MIPEP: variants seen among roughly 807,000 people sequenced by gnomAD.
The protein encoded by MIPEP is mitochondrial intermediate peptidase.
A neutral mutation model predicts 90.3 loss-of-function variants in MIPEP; 79 were observed. That is an observed-to-expected ratio of 0.87 (90% CI 0.73 to 1.05). The LOEUF is 1.05. Among genes scored for constraint, MIPEP ranks in the 50% least tolerant of loss-of-function variants. The pLI is 0.00. For missense variants in MIPEP, 940 were observed against 905.6 expected (o/e 1.04, Z -0.49); for synonymous variants, 334 against 315.8 (o/e 1.06, Z -0.61).
At chr13:23,886,027 T>C (rs1871465407) in intron 2 of MIPEP, among the ~76,000 whole-genome samples, 1 of 151,988 alleles carries the variant, frequency 6.6e-6, no homozygotes, top group South Asian at 2.1e-4. Flanking sequence ...TGAATATATA[T>C]GTAAATATAT....
At chr13:23,839,759 G>T in intron 11 of MIPEP, 33 bp from the exon 12 acceptor site, 1 of 1,477,684 alleles carries the variant, frequency 6.8e-7, no homozygotes, top group Non-Finnish European at 9.4e-7. Context: ...GGTGGTAAAT[G>T]AGGCCATCTG....
intron 16 of MIPEP, among the ~76,000 whole-genome samples, chr13:23,770,521 C>A (rs1472931184): frequency 6.6e-6 from 1 of 152,184 alleles, no homozygotes; most frequent in East Asian, 1.9e-4. Context: ...CAGCTGGGAC[C>A]TCAGCATCGA....
chr13:23,745,703 G>A (rs1347411514), intron 18 of MIPEP, among the ~76,000 whole-genome samples: 3 of 152,012 alleles, frequency 2.0e-5, no homozygotes, highest in Non-Finnish European at 2.9e-5. Flanking sequence ...CGAGGCGGGC[G>A]GATCACTTGA....
Position 23,864,225 on chromosome 13 carries a change from T to C in MIPEP, c.944-36A>G, listed in dbSNP as rs376788363. ...ATCCAAAAGAAAATATCTTCAATTATGTGAAATAAAATGAACATATCTGTT... is the reference window on the plus strand; with the variant it reads ...ATCCAAAAGAAAATATCTTCAATTACGTGAAATAAAATGAACATATCTGTT... On this transcript the variant is annotated intron_variant, in intron 7 of 18. Coordinates refer to ENST00000382172, the MANE Select transcript of MIPEP (RefSeq NM_005932.4). 9.5e-5 allele frequency: 133 copies of C among 1,397,922 alleles called. 1 individual carries two copies. Among genetic ancestry groups the C allele is most frequent in the Non-Finnish European group, 1.2e-4 (117 of 1,014,950 alleles). 86.6% of individuals were successfully genotyped at this position (1,397,922 alleles called of 1,614,324 possible).
At chr13:23,853,486 CGTGT>C (rs896601634) in intron 10 of MIPEP, among the ~76,000 whole-genome samples, 8 of 151,694 alleles carry the variant, frequency 5.3e-5, no homozygotes, top group African/African-American at 1.5e-4. Context: ...AGAGCATAGG[CGTGT>C]GTGTAGGCTA....
At chr13:23,864,292 C>A in intron 7 of MIPEP, 103 bp from the exon 8 acceptor site, 1 of 791,732 alleles carries the variant, frequency 1.3e-6, no homozygotes, top group Non-Finnish European at 2.0e-6. Context: ...CCCACAATTC[C>A]CTTAAAGTGA....
intron 16 of MIPEP, among the ~76,000 whole-genome samples, chr13:23,774,864 G>A (rs900867818): frequency 5.2e-5 from 7 of 134,510 alleles, no homozygotes; most frequent in African/African-American, 1.1e-4. Flanking sequence ...GGATGAGCTC[G>A]GCTCACTGCG....
intron 16 of MIPEP, among the ~76,000 whole-genome samples, chr13:23,791,840 T>C (rs1035407955): frequency 6.6e-6 from 1 of 152,232 alleles, no homozygotes; most frequent in African/African-American, 2.4e-5. Context: ...CTTTACTTGA[T>C]ACCCACTCCA....
intron 10 of MIPEP, among the ~76,000 whole-genome samples, chr13:23,843,711 T>C (rs717692): frequency 0.72 from 109,201 of 152,058 alleles, 41,196 homozygotes; most frequent in Non-Finnish European, 0.83. Flanking sequence ...CAGGGAGGGC[T>C]GACAGGAGGA....
chr13:23,829,387 C>A (rs1868625051), intron 14 of MIPEP, among the ~76,000 whole-genome samples: 1 of 151,682 alleles, frequency 6.6e-6, no homozygotes, highest in South Asian at 2.1e-4. Context: ...TGGTGGCATG[C>A]CTGTAAGCCT....
At chr13:23,866,489 A>C (rs1324701469) in intron 7 of MIPEP, among the ~76,000 whole-genome samples, 1 of 152,138 alleles carries the variant, frequency 6.6e-6, no homozygotes, top group Non-Finnish European at 1.5e-5. Context: ...TGCTACAGCC[A>C]GTGGTCATGC....
At chr13:23,764,094 C>G (rs1192079785) in intron 16 of MIPEP, among the ~76,000 whole-genome samples, 5 of 152,206 alleles carry the variant, frequency 3.3e-5, no homozygotes, top group Non-Finnish European at 1.5e-5. Flanking sequence ...TAAAAGCTTT[C>G]ACACTTCCTT....
chr13:23,733,297 A>T (rs1369759878), intron 18 of MIPEP, among the ~76,000 whole-genome samples: 2 of 152,170 alleles, frequency 1.3e-5, no homozygotes, highest in Non-Finnish European at 2.9e-5. Context: ...TTTTAGGTGG[A>T]GGAGACAATA....
At chr13:23,793,295 A>G (rs574214898) in intron 16 of MIPEP, among the ~76,000 whole-genome samples, 2 of 152,222 alleles carry the variant, frequency 1.3e-5, no homozygotes, top group African/African-American at 4.8e-5. Flanking sequence ...AGTGGATCTC[A>G]CAGACATGTT....
At chr13:23,781,274 G>A (rs1392077205) in intron 16 of MIPEP, among the ~76,000 whole-genome samples, 1 of 152,192 alleles carries the variant, frequency 6.6e-6, no homozygotes, top group East Asian at 1.9e-4. Context: ...AACTCTACAA[G>A]CCAGAAGAGA....
intron 16 of MIPEP, chr13:23,760,477 A>G (rs1952529875): frequency 7.6e-6 from 5 of 657,740 alleles, no homozygotes; most frequent in Non-Finnish European, 1.5e-5. Context: ...CACAGCCTCC[A>G]AAGACGTGAT....
intron 16 of MIPEP, among the ~76,000 whole-genome samples, chr13:23,783,006 C>G (rs1384624641): frequency 2.6e-5 from 4 of 152,160 alleles, no homozygotes; most frequent in African/African-American, 9.7e-5. Context: ...GACGGATTCA[C>G]AGCTGAATTC....
At chr13:23,820,000 A>C in intron 14 of MIPEP, among the ~76,000 whole-genome samples, 1 of 150,072 alleles carries the variant, frequency 6.7e-6, no homozygotes, top group Admixed American at 6.7e-5. Context: ...CAAGAGGGAG[A>C]CTCCATCTCA....
chr13:23,770,426 G>C (rs1004191882), intron 16 of MIPEP, among the ~76,000 whole-genome samples: 1 of 152,174 alleles, frequency 6.6e-6, no homozygotes, highest in Non-Finnish European at 1.5e-5. Context: ...AGTAAAAAAA[G>C]GGGAGGGGGT....
Sources: allele counts gnomAD v4.1 joint callset (sites outside exome capture counted in the v4.1 genomes callset), GRCh38; gene constraint gnomAD v4.1.1; transcripts MANE v1.5; gene names NCBI Gene and HGNC (gene_info 2026-07-23, HGNC 2026-07-21).